TSNARE1: variants seen among roughly 807,000 people sequenced by gnomAD.
TSNARE1 encodes t-SNARE domain containing 1.
In TSNARE1, 49 loss-of-function variants were observed where a neutral mutation model predicts 62.0. The observed-to-expected ratio is 0.79, with a 90% confidence interval of 0.63 to 1.00. The LOEUF is 1.00. Ranked by LOEUF, TSNARE1 falls within the 50% of genes least tolerant of loss-of-function variation. The probability of loss-of-function intolerance (pLI) is 0.00; values close to 1 mark genes in which losing one functional copy is unlikely to be tolerated. For synonymous variants in TSNARE1, 328 were observed against 294.4 expected, an observed-to-expected ratio of 1.11 and a Z score of -1.17; for missense variants, 755 against 700.1, an observed-to-expected ratio of 1.08 and a Z score of -0.88.
chr8:142,213,709 C>T (rs1034926146), intron 13 of TSNARE1, among the ~76,000 whole-genome samples: 3 of 152,164 alleles, frequency 2.0e-5, no homozygotes, highest in Non-Finnish European at 2.9e-5. Flanking sequence ...AATCCAATTA[C>T]CACAGGAAGC....
At chr8:142,277,584 C>CT in intron 11 of TSNARE1, 1 of 985,466 alleles carries the variant, frequency 1.0e-6, no homozygotes, top group Non-Finnish European at 1.2e-6. Flanking sequence ...TACTTCCTGC[C>CT]TCTGCGCCCA....
chr8:142,288,019 C>G (rs4976993), intron 10 of TSNARE1, among the ~76,000 whole-genome samples: 1 of 151,938 alleles, frequency 6.6e-6, no homozygotes, highest in Non-Finnish European at 1.5e-5. Context: ...TGTGTGCACC[C>G]ATCAATCTGC....
rs541221619 is a variant in TSNARE1 at position 142,374,642 on chromosome 8, T to C, written c.-39-19879A>G. ...TTGCAGTGAGCCAAGATTGGGCCAC[T>C]GCATTCCAGCCTGGGCGACAGAGTG... On this transcript the variant is annotated intron_variant, in intron 1 of 13. Transcript: ENST00000524325. Among the ~76,000 whole-genome samples, 31 of 146,508 alleles carry C rather than the reference T, an allele frequency of 2.1e-4. 1 individual carries two copies. The East Asian group carries it at 6.3e-3, about 30-fold the overall frequency.
chr8:142,395,063 C>T (rs180937886), intron 1 of TSNARE1, among the ~76,000 whole-genome samples: 2 of 152,342 alleles, frequency 1.3e-5, no homozygotes, highest in Non-Finnish European at 2.9e-5. Flanking sequence ...TGTCCCCCAC[C>T]ACTTCCTGCT....
intron 10 of TSNARE1, among the ~76,000 whole-genome samples, chr8:142,290,710 C>T (rs1368568736): frequency 1.3e-5 from 2 of 152,256 alleles, no homozygotes; most frequent in South Asian, 2.1e-4. Context: ...AGGTCAGGCA[C>T]CTTCAGGCTG....
chr8:142,220,738 G>A (rs370832338), intron 13 of TSNARE1, among the ~76,000 whole-genome samples: 76 of 152,320 alleles, frequency 5.0e-4, no homozygotes, highest in African/African-American at 1.0e-3. Context: ...ACAGACCCTC[G>A]CACAGCGCCC....
At chr8:142,303,086 C>T (rs1826038582) in intron 9 of TSNARE1, among the ~76,000 whole-genome samples, 1 of 152,192 alleles carries the variant, frequency 6.6e-6, no homozygotes, top group South Asian at 2.1e-4. Context: ...ACAGGACCTG[C>T]TCTGCCGGCT....
chr8:142,282,841 T>C (rs1167429834), intron 11 of TSNARE1, among the ~76,000 whole-genome samples: 1 of 114,916 alleles, frequency 8.7e-6, no homozygotes, highest in East Asian at 2.7e-4. Context: ...TGAGTGGAGG[T>C]GGGGCCAGTG....
At chr8:142,300,848 C>G (rs1825620444) in intron 9 of TSNARE1, among the ~76,000 whole-genome samples, 1 of 152,238 alleles carries the variant, frequency 6.6e-6, no homozygotes, top group Non-Finnish European at 1.5e-5. Context: ...CGCCGGTCAC[C>G]TGGGAAAGAC....
chr8:142,240,550 T>C (rs1817631533), intron 12 of TSNARE1, among the ~76,000 whole-genome samples: 1 of 152,222 alleles, frequency 6.6e-6, no homozygotes, highest in Non-Finnish European at 1.5e-5. Context: ...ATGCACATTC[T>C]TCTCAGGCAC....
intron 10 of TSNARE1, among the ~76,000 whole-genome samples, chr8:142,299,641 A>C (rs1339445224): frequency 6.6e-6 from 1 of 152,158 alleles, no homozygotes; most frequent in Non-Finnish European, 1.5e-5. Context: ...ACACGCACTC[A>C]CGCACGCACG....
chr8:142,392,577 C>T (rs1050723258), intron 1 of TSNARE1, among the ~76,000 whole-genome samples: 4 of 152,144 alleles, frequency 2.6e-5, no homozygotes, highest in African/African-American at 9.7e-5. Context: ...TCTTACAGGT[C>T]CACCCTCGTC....
At chr8:142,314,101 C>T (rs1828113524) in intron 9 of TSNARE1, among the ~76,000 whole-genome samples, 1 of 152,190 alleles carries the variant, frequency 6.6e-6, no homozygotes, top group Non-Finnish European at 1.5e-5. Flanking sequence ...GTGTTTTCAC[C>T]CAGGTTTCAC....
chr8:142,317,151 G>A lies in TSNARE1; in HGVS notation c.984+1393C>T, dbSNP rs111782952. Among the ~76,000 whole-genome samples the A allele has an allele frequency of 1.5e-4, 22 of 150,030 alleles. 2 individuals are homozygous for A. Among genetic ancestry groups the A allele is most frequent in the Admixed American group, 8.8e-4 (13 of 14,756 alleles). ...GTGGCTCACACTGTACGCATGAAGCGGGTATGGCCAGCGGCTCACACTGTA... is the reference window on the plus strand; with the variant it reads ...GTGGCTCACACTGTACGCATGAAGCAGGTATGGCCAGCGGCTCACACTGTA... On this transcript the variant is annotated intron_variant, in intron 7 of 13. Transcript: ENST00000524325.
At chr8:142,400,817 G>A (rs559939711) in intron 1 of TSNARE1, among the ~76,000 whole-genome samples, 6 of 152,292 alleles carry the variant, frequency 3.9e-5, no homozygotes, top group Admixed American at 1.3e-4. Context: ...AGGGACTCAC[G>A]GCAAGATCAC....
At chr8:142,396,479 G>C (rs1341247996) in intron 1 of TSNARE1, among the ~76,000 whole-genome samples, 1 of 152,196 alleles carries the variant, frequency 6.6e-6, no homozygotes, top group Non-Finnish European at 1.5e-5. Context: ...CTCTGCTCTG[G>C]AACATCATCT....
At chr8:142,367,499 GCAGA>G (rs1835638739) in intron 1 of TSNARE1, among the ~76,000 whole-genome samples, 1 of 146,614 alleles carries the variant, frequency 6.8e-6, no homozygotes, top group African/African-American at 2.5e-5. Flanking sequence ...GAAACAGAAA[GCAGA>G]CAGATGGACG....
At chr8:142,382,572 G>T (rs578208908) in intron 1 of TSNARE1, among the ~76,000 whole-genome samples, 1 of 152,166 alleles carries the variant, frequency 6.6e-6, no homozygotes, top group South Asian at 2.1e-4. Context: ...TGTGCCCTCA[G>T]GCAGGGACCT....
chr8:142,335,470 G>A (rs1831628221), intron 4 of TSNARE1, among the ~76,000 whole-genome samples: 1 of 152,116 alleles, frequency 6.6e-6, no homozygotes, highest in South Asian at 2.1e-4. Flanking sequence ...CTTGAAGGCG[G>A]GCTGCGGAAA....
Sources: allele counts gnomAD v4.1 joint callset (sites outside exome capture counted in the v4.1 genomes callset), GRCh38; gene constraint gnomAD v4.1.1; transcripts MANE v1.5; gene names NCBI Gene and HGNC (gene_info 2026-07-23, HGNC 2026-07-21).